Variants in OPN5 observed in about 807,000 individuals in gnomAD.
OPN5 encodes opsin-5.
OPN5 carries 18 observed loss-of-function variants against 41.7 expected under a neutral mutation model. That is an observed-to-expected ratio of 0.43 (90% confidence interval 0.30 to 0.64). The LOEUF (loss-of-function observed/expected upper bound fraction) is 0.64, where lower values mean the gene tolerates loss of function less well. OPN5 is among the 30% of genes least tolerant of loss of function. OPN5 has a pLI of 0.13. For synonymous variants in OPN5, 178 were observed against 164.3 expected, an observed-to-expected ratio of 1.08 and a Z score of -0.64; for missense variants, 318 against 434.5, an observed-to-expected ratio of 0.73 and a Z score of 2.38.
At chr6:47,786,157 G>A (rs1561888525) in intron 1 of OPN5, among the ~76,000 whole-genome samples, 1 of 152,192 alleles carries the variant, frequency 6.6e-6, no homozygotes, top group Non-Finnish European at 1.5e-5. Flanking sequence ...CTGATCAGAG[G>A]GAGGGAGTTC....
Position 47,794,259 on chromosome 6 carries a change from G to A in OPN5, c.422-970G>A, listed in dbSNP as rs181993446. On this transcript the variant is annotated intron_variant, in intron 3 of 6. Transcript: ENST00000371211. ...AGGCAGGCCCTGAGTCTATATTGAA[G>A]TAATCATTTAGCTTTTGTTGAATAT... Among the ~76,000 whole-genome samples, 7 of 152,298 alleles carry A rather than the reference G, an allele frequency of 4.6e-5. No homozygotes were observed. In the East Asian group the frequency reaches 1.3e-3, roughly 29 times the overall value.
intron 6 of OPN5, among the ~76,000 whole-genome samples, chr6:47,812,147 T>C (rs916852258): frequency 6.6e-6 from 1 of 152,128 alleles, no homozygotes; most frequent in African/African-American, 2.4e-5. Flanking sequence ...ATCATGTATG[T>C]TGGGCCATGG....
In OPN5 at chr6:47,787,234, G is replaced by A. The variant is rs145705210; in HGVS notation, c.250+600G>A. Reference sequence around the variant, plus strand: ...ATCTGGGGAAGTTCTGAATTAAGTCGTTGAGAGTGTTACCTGGGCATCAGG... The same window carrying A: ...ATCTGGGGAAGTTCTGAATTAAGTCATTGAGAGTGTTACCTGGGCATCAGG... On this transcript the variant is annotated intron_variant, in intron 2 of 6. Coordinates refer to ENST00000371211, the Ensembl canonical transcript of OPN5. The A allele has an allele frequency of 3.5e-3, 2,992 of 855,260 alleles. 74 individuals are homozygous for A. The African/African-American group carries it at 0.045, about 13-fold the overall frequency. 53.0% of individuals were successfully genotyped at this position (855,260 alleles called of 1,614,324 possible). A position where few individuals can be genotyped will look rare whatever the true frequency, so the allele number is the denominator to read the frequency against.
In OPN5 at chr6:47,820,917, G is replaced by A. The variant is rs147153173; in HGVS notation, c.1057-3066G>A. On this transcript the variant is annotated intron_variant, in intron 6 of 6. Coordinates refer to ENST00000371211, the Ensembl canonical transcript of OPN5. ...AGCCTTACCAAGAACAGAAACAGTC[G>A]ATAAACACATATTTTATATGTTATA... Among the ~76,000 whole-genome samples, 287 of 152,144 alleles carry A rather than the reference G, an allele frequency of 1.9e-3. 2 individuals are homozygous for A. Among genetic ancestry groups the A allele is most frequent in the African/African-American group, 6.8e-3 (282 of 41,510 alleles).
At chr6:47,789,183 C>T (rs1773288625) in intron 2 of OPN5, among the ~76,000 whole-genome samples, 1 of 152,144 alleles carries the variant, frequency 6.6e-6, no homozygotes, top group Admixed American at 6.5e-5. Flanking sequence ...TTTTAGTTTG[C>T]TGTTTCCTCT....
At chr6:47,805,335 A>C (rs1773918321) in intron 4 of OPN5, among the ~76,000 whole-genome samples, 1 of 152,172 alleles carries the variant, frequency 6.6e-6, no homozygotes, top group Middle Eastern at 3.2e-3. Flanking sequence ...AAGGTTGCAG[A>C]TCATGCAGGA....
At chr6:47,810,974 A>G (rs1269132859) in intron 5 of OPN5, among the ~76,000 whole-genome samples, 1 of 152,008 alleles carries the variant, frequency 6.6e-6, no homozygotes, top group Non-Finnish European at 1.5e-5. Flanking sequence ...TTAATTGTTT[A>G]CCTCTCCCAG....
intron 4 of OPN5, among the ~76,000 whole-genome samples, chr6:47,807,657 AC>A (rs1774027060): frequency 6.6e-6 from 1 of 152,166 alleles, no homozygotes; most frequent in Non-Finnish European, 1.5e-5. Flanking sequence ...CTCACACCTG[AC>A]AAAAATTTGA....
chr6:47,804,733 T>C (rs1773899952), intron 4 of OPN5, among the ~76,000 whole-genome samples: 1 of 152,196 alleles, frequency 6.6e-6, no homozygotes, highest in South Asian at 2.1e-4. Context: ...TTCTAAGTCT[T>C]TCAATTTAAA....
intron 6 of OPN5, among the ~76,000 whole-genome samples, chr6:47,813,210 T>G (rs531943293): frequency 9.2e-5 from 14 of 152,288 alleles, no homozygotes; most frequent in African/African-American, 3.1e-4. Context: ...AGGAACTTTT[T>G]AGCAGACTTG....
intron 5 of OPN5, among the ~76,000 whole-genome samples, chr6:47,808,782 C>T (rs1271699407): frequency 6.6e-6 from 1 of 152,100 alleles, no homozygotes; most frequent in East Asian, 1.9e-4. Context: ...TGGCACATCA[C>T]TACCACTAGC....
chr6:47,802,717 T>C (rs1412530001), intron 4 of OPN5, among the ~76,000 whole-genome samples: 1 of 152,148 alleles, frequency 6.6e-6, no homozygotes, highest in East Asian at 1.9e-4. Flanking sequence ...GTCTCTCCTG[T>C]TTTGTTGAAC....
chr6:47,785,299 C>A (rs1773167786), intron 1 of OPN5, among the ~76,000 whole-genome samples: 1 of 152,134 alleles, frequency 6.6e-6, no homozygotes, highest in Non-Finnish European at 1.5e-5. Context: ...CTCTGGAACT[C>A]CGTAATCTCT....
chr6:47,808,145 C>T lies in OPN5; in HGVS notation c.757-9C>T, dbSNP rs199541448. ...CTTGATTCTTTTCTCTGTTGCTTTC[C>T]CTCATCAGGTAGCGATGTTGATTTG... On this transcript the variant is annotated splice_polypyrimidine_tract_variant and intron_variant, in intron 4 of 6. Coordinates refer to ENST00000371211, the Ensembl canonical transcript of OPN5. 1.9e-6 allele frequency: 3 copies of T among 1,613,558 alleles called. No homozygotes were observed. The highest frequency in any genetic ancestry group is 4.5e-5 in the East Asian group (2 of 44,870).
chr6:47,804,566 A>C (rs1294949645), intron 4 of OPN5, among the ~76,000 whole-genome samples: 2 of 152,198 alleles, frequency 1.3e-5, no homozygotes, highest in Admixed American at 1.3e-4. Context: ...TTTACATTTA[A>C]ATGTTTAATA....
intron 6 of OPN5, among the ~76,000 whole-genome samples, chr6:47,819,533 C>T (rs1192440856): frequency 6.6e-6 from 1 of 151,204 alleles, no homozygotes; most frequent in Admixed American, 6.6e-5. Flanking sequence ...CAATTATTAA[C>T]AGTTCATCAT....
At chr6:47,814,225 C>T (rs551151445) in intron 6 of OPN5, among the ~76,000 whole-genome samples, 5 of 150,630 alleles carry the variant, frequency 3.3e-5, no homozygotes, top group South Asian at 4.2e-4. Flanking sequence ...TGACAGATGG[C>T]GGTGGAGGTA....
At chr6:47,800,514 T>C (rs1007382575) in intron 4 of OPN5, among the ~76,000 whole-genome samples, 1 of 152,192 alleles carries the variant, frequency 6.6e-6, no homozygotes, top group Non-Finnish European at 1.5e-5. Context: ...ACAATACTGA[T>C]GTTATTTGCA....
intron 6 of OPN5, 106 bp from the exon 7 acceptor site, chr6:47,823,877 T>A: frequency 1.2e-6 from 1 of 810,926 alleles, no homozygotes; most frequent in Non-Finnish European, 2.1e-6. Context: ...TCCTGGTTCT[T>A]TTGGTGTGTG....
Sources: gnomAD v4.1 joint callset for allele counts (sites outside exome capture counted in the v4.1 genomes callset) on GRCh38, gnomAD v4.1.1 for gene constraint, MANE v1.5 for transcripts, NCBI Gene and HGNC (gene_info 2026-07-23, HGNC 2026-07-21) for gene names.